The following ILRUN variants were observed in gnomAD, a reference collection of about 807,000 sequenced individuals.
ILRUN encodes inflammation and lipid regulator with UBA-like and NBR1-like domains.
A neutral mutation model predicts 33.8 loss-of-function variants in ILRUN; 3 were observed. The ratio of observed to expected loss-of-function variants is 0.09; its 90% CI spans 0.04 to 0.23. The LOEUF is 0.23. Ranked by LOEUF, ILRUN falls within the 10% of genes least tolerant of loss-of-function variation. The probability of loss-of-function intolerance (pLI) is 1.00; values close to 1 mark genes in which losing one functional copy is unlikely to be tolerated. For synonymous variants in ILRUN, 124 were observed against 138.9 expected, an observed-to-expected ratio of 0.89 and a Z score of 0.75; for missense variants, 210 against 375.1, an observed-to-expected ratio of 0.56 and a Z score of 3.64.
intron 4 of ILRUN, among the ~76,000 whole-genome samples, chr6:34,591,656 C>T (rs1463807268): frequency 2.0e-5 from 3 of 152,112 alleles, no homozygotes; most frequent in Admixed American, 1.3e-4. Context: ...CCCGCCAACA[C>T]GCCTGGCTAA....
intron 1 of ILRUN, among the ~76,000 whole-genome samples, chr6:34,695,137 G>A (rs1359403350): frequency 6.6e-6 from 1 of 152,124 alleles, no homozygotes; most frequent in East Asian, 1.9e-4. Flanking sequence ...CATCATCCAG[G>A]GTAGAACTAG....
At chr6:34,637,725 G>C (rs572456380) in intron 3 of ILRUN, among the ~76,000 whole-genome samples, 1 of 152,220 alleles carries the variant, frequency 6.6e-6, no homozygotes, top group African/African-American at 2.4e-5. Context: ...ACTTTACAAA[G>C]GATTACTGTT....
intron 2 of ILRUN, among the ~76,000 whole-genome samples, chr6:34,648,509 A>T (rs1762601342): frequency 6.6e-6 from 1 of 152,198 alleles, no homozygotes; most frequent in Non-Finnish European, 1.5e-5. Flanking sequence ...TTCTAAAAAA[A>T]TTTGCCAACA....
At chr6:34,680,824 G>A (rs147817082) in intron 1 of ILRUN, among the ~76,000 whole-genome samples, 9 of 151,492 alleles carry the variant, frequency 5.9e-5, no homozygotes, top group Admixed American at 5.3e-4. Context: ...TTCAGAGCAG[G>A]AGTGAAAGTT....
chr6:34,618,893 A>C (rs951130453), intron 3 of ILRUN, among the ~76,000 whole-genome samples: 2 of 152,204 alleles, frequency 1.3e-5, no homozygotes, highest in African/African-American at 4.8e-5. Context: ...CAGCCCTGAC[A>C]ATAAAGGAAA....
At chr6:34,619,689 C>T (rs543635506) in intron 3 of ILRUN, among the ~76,000 whole-genome samples, 4 of 152,100 alleles carry the variant, frequency 2.6e-5, no homozygotes, top group East Asian at 1.9e-4. Context: ...CTAGGATATA[C>T]ATATTAAGTG....
chr6:34,633,677 CCT>C (rs1328533901), intron 3 of ILRUN, among the ~76,000 whole-genome samples: 1 of 151,336 alleles, frequency 6.6e-6, no homozygotes, highest in Non-Finnish European at 1.5e-5. Context: ...AAAATAAGAC[CCT>C]GTCTCTACAA....
intron 4 of ILRUN, among the ~76,000 whole-genome samples, chr6:34,595,042 A>C (rs1171433805): frequency 2.0e-5 from 3 of 152,234 alleles, no homozygotes; most frequent in Admixed American, 6.5e-5. Flanking sequence ...GTTAGAGAAC[A>C]TTTACAGACA....
chr6:34,687,523 C>T (rs931797178), intron 1 of ILRUN, among the ~76,000 whole-genome samples: 2 of 151,156 alleles, frequency 1.3e-5, no homozygotes, highest in Non-Finnish European at 2.9e-5. Flanking sequence ...GGTGAAACCC[C>T]GTCTCTACTA....
chr6:34,664,580 GCC>G (rs1476609282), intron 1 of ILRUN, among the ~76,000 whole-genome samples: 1 of 152,114 alleles, frequency 6.6e-6, no homozygotes, highest in Non-Finnish European at 1.5e-5. Context: ...CATTCTTGTT[GCC>G]CCCTGAATTA....
At position 34,616,536 on chromosome 6, in the gene ILRUN, C is replaced by A. The variant is rs541409301; in HGVS notation, c.512-9632G>T. The A allele has an allele frequency of 2.4e-4, 281 of 1,161,614 alleles. 1 individual carries two copies. In the African/African-American group the frequency reaches 3.5e-3, roughly 14 times the overall value. The allele number at this position is 1,161,614 out of a possible 1,614,324, so 72.0% of individuals were successfully genotyped here. A position where few individuals can be genotyped will look rare whatever the true frequency, so the allele number is the denominator to read the frequency against. ...GTATTATGCTCTTTTCAGGCTGGAA[C>A]CATGGAGGGTGTCGAAGAGAAGAAG... On this transcript the variant is annotated intron_variant, in intron 3 of 4. Coordinates refer to ENST00000374023, the MANE Select transcript of ILRUN (RefSeq NM_024294.4).
intron 3 of ILRUN, among the ~76,000 whole-genome samples, chr6:34,639,689 C>A (rs73411956): frequency 2.6e-5 from 4 of 152,178 alleles, no homozygotes; most frequent in African/African-American, 7.2e-5. Flanking sequence ...ATACTCCACC[C>A]TCACTAAACT....
chr6:34,663,245 G>C (rs966215205), intron 1 of ILRUN, among the ~76,000 whole-genome samples: 11 of 152,122 alleles, frequency 7.2e-5, no homozygotes, highest in Non-Finnish European at 4.4e-5. Flanking sequence ...AACAAAGTGA[G>C]ACTCTGTCTC....
chr6:34,690,554 G>A (rs1763625365), intron 1 of ILRUN, among the ~76,000 whole-genome samples: 1 of 151,860 alleles, frequency 6.6e-6, no homozygotes, highest in African/African-American at 2.4e-5. Flanking sequence ...TAAAAAGTGA[G>A]GTAAGCTCTC....
At chr6:34,627,575 G>C (rs116601634) in intron 3 of ILRUN, among the ~76,000 whole-genome samples, 1,885 of 152,264 alleles carry the variant, frequency 0.012, 14 homozygotes, top group Non-Finnish European at 0.017. Context: ...GGTATATAGT[G>C]ATATCTCATA....
intron 3 of ILRUN, among the ~76,000 whole-genome samples, chr6:34,618,394 A>G (rs1323530485): frequency 6.6e-6 from 1 of 152,164 alleles, no homozygotes; most frequent in Non-Finnish European, 1.5e-5. Flanking sequence ...CCCAATTGCT[A>G]AACTGCCCTT....
At chr6:34,603,401 G>A (rs978554037) in intron 4 of ILRUN, among the ~76,000 whole-genome samples, 5 of 152,170 alleles carry the variant, frequency 3.3e-5, no homozygotes, top group Non-Finnish European at 5.9e-5. Context: ...TTGGGAGGCC[G>A]AGGCGGGCGG....
chr6:34,680,474 T>C (rs184039727), intron 1 of ILRUN, among the ~76,000 whole-genome samples: 1 of 151,514 alleles, frequency 6.6e-6, no homozygotes, highest in South Asian at 2.1e-4. Context: ...TCTTTTTTTG[T>C]TTTTTTTGGA....
intron 3 of ILRUN, among the ~76,000 whole-genome samples, chr6:34,634,626 C>T (rs1383194076): frequency 6.6e-6 from 1 of 152,032 alleles, no homozygotes; most frequent in African/African-American, 2.4e-5. Flanking sequence ...TATCATCAAA[C>T]ATAGATGTTA....
Sources: gnomAD v4.1 joint callset for allele counts (sites outside exome capture counted in the v4.1 genomes callset) on GRCh38, gnomAD v4.1.1 for gene constraint, MANE v1.5 for transcripts, NCBI Gene and HGNC (gene_info 2026-07-23, HGNC 2026-07-21) for gene names.